IMMT: variants seen among roughly 807,000 people sequenced by gnomAD.
IMMT encodes MICOS complex subunit MIC60.
IMMT carries 40 observed loss-of-function variants against 92.7 expected under a neutral mutation model. That is an observed-to-expected ratio of 0.43 (90% CI 0.34 to 0.56). The LOEUF (loss-of-function observed/expected upper bound fraction) is 0.56, where lower values mean the gene tolerates loss of function less well. Among genes scored for constraint, IMMT ranks in the 20% least tolerant of loss-of-function variants. The pLI is 0.03. For synonymous variants in IMMT, 322 were observed against 336.1 expected (o/e 0.96, Z 0.46); for missense variants, 831 against 912.1 (o/e 0.91, Z 1.14).
chr2:86,187,100 G>A (rs1003728237), intron 1 of IMMT, among the ~76,000 whole-genome samples: 4 of 151,758 alleles, frequency 2.6e-5, no homozygotes, highest in African/African-American at 9.7e-5. Flanking sequence ...ACAATTCCAC[G>A]GTATTTAGTA....
chr2:86,179,710 C>T lies in IMMT; in HGVS notation c.120-88G>A. 2.9e-6 allele frequency: 3 copies of T among 1,018,744 alleles called. No individual in the cohort carries two copies. In the South Asian group the frequency reaches 5.5e-5, roughly 19 times the overall value. 63.1% of individuals were successfully genotyped at this position (1,018,744 alleles called of 1,614,324 possible). On this transcript the variant is annotated intron_variant, in intron 2 of 14. Transcript: ENST00000410111. The stretch of plus-strand genomic sequence containing the variant: ...ACCAATGTAACCATCTCGAAGACCT[C>T]TAGCCTCTACTTATCTACCACTAAT...
In IMMT at chr2:86,150,683, C is replaced by T. The variant is rs116372377; in HGVS notation, c.1401+614G>A. On this transcript the variant is annotated intron_variant, in intron 12 of 14. Transcript: ENST00000410111. The stretch of plus-strand genomic sequence containing the variant: ...ATATACTCAGACTCCAACAAAGATT[C>T]GTTCAGCACTGCTTTAAGGGACAGA... 6.2e-3 allele frequency among the ~76,000 whole-genome samples: 938 copies of T among 152,288 alleles called. 8 individuals are homozygous for T. Among genetic ancestry groups the T allele is most frequent in the African/African-American group, 0.021 (863 of 41,554 alleles).
intron 12 of IMMT, among the ~76,000 whole-genome samples, chr2:86,151,080 C>A (rs1045701850): frequency 2.0e-5 from 3 of 152,102 alleles, no homozygotes; most frequent in Non-Finnish European, 4.4e-5. Context: ...CCACACCCAG[C>A]TAATTTTTGT....
Position 86,144,525 on chromosome 2 carries a change from G to A in IMMT, c.2020C>T (p.Leu674=), listed in dbSNP as rs117502474. ...GGGCAGAGCTCTGGGGGCGGCTTCA[G>A]TTGCTGAGGTGGGAATAGGAGCAGG... ...QSLLLFPPQQ[L]KPPPELCPED... is the part of the protein sequence containing the mutation. The change falls in exon 15 of 15, where the codon CTG becomes TTG. Residue 674 remains leucine (L), a synonymous_variant. Coordinates refer to ENST00000410111, the MANE Select transcript of IMMT (RefSeq NM_006839.3). The A allele has an allele frequency of 7.6e-4, 1,225 of 1,614,062 alleles. 14 individuals are homozygous for A. In the East Asian group the frequency reaches 0.023, roughly 30 times the overall value.
rs753843163 is a variant in IMMT at position 86,159,630 on chromosome 2, T to G, written c.938A>C (p.Lys313Thr). The stretch of plus-strand genomic sequence containing the variant: ...CTTGGCCCCAGCAACCTCTTTTTTC[T>G]TTGCATTTTCAATCACACTTTTCAT... Reference protein sequence around the residue: ...EKMKSVIENAKKKEVAGAKPH... With the variant: ...EKMKSVIENATKKEVAGAKPH... Residue 313 changes from lysine to threonine, a missense_variant, in exon 9 of 15, where the codon AAG (lysine) becomes ACG (threonine). Physicochemically the swap from Lys to Thr is moderately conservative, Grantham distance 78 (BLOSUM62 -1). Transcript: ENST00000410111. The G allele has an allele frequency of 8.9e-6, 14 of 1,579,666 alleles. No individual in the cohort carries two copies. Among genetic ancestry groups the G allele is most frequent in the Non-Finnish European group, 1.2e-5 (14 of 1,170,056 alleles).
intron 11 of IMMT, among the ~76,000 whole-genome samples, chr2:86,151,881 A>G (rs1675489282): frequency 6.6e-6 from 1 of 152,262 alleles, no homozygotes; most frequent in Admixed American, 6.5e-5. Flanking sequence ...CTGATTAGTT[A>G]TAACAGGCAT....
At chr2:86,157,328 TCTCCCTG>T (rs1365008103) in intron 10 of IMMT, among the ~76,000 whole-genome samples, 3 of 152,194 alleles carry the variant, frequency 2.0e-5, no homozygotes, top group Non-Finnish European at 4.4e-5. Flanking sequence ...TGACATTCAG[TCTCCCTG>T]GGTGGCCATC....
intron 13 of IMMT, 121 bp from the exon 14 acceptor site, chr2:86,146,318 C>T (rs993735859): frequency 1.6e-5 from 11 of 671,534 alleles, no homozygotes; most frequent in Non-Finnish European, 2.3e-5. Flanking sequence ...CACGAAATTC[C>T]TACATTTTGT....
At chr2:86,189,684 G>C (rs146383314) in intron 1 of IMMT, among the ~76,000 whole-genome samples, 68 of 152,284 alleles carry the variant, frequency 4.5e-4, no homozygotes, top group African/African-American at 1.6e-3. Flanking sequence ...TGTGGATCTT[G>C]TCATACATAA....
At chr2:86,173,878 A>G (rs1386454327) in intron 3 of IMMT, 117 bp from the exon 4 acceptor site, 4 of 596,390 alleles carry the variant, frequency 6.7e-6, no homozygotes, top group Non-Finnish European at 1.2e-5. Flanking sequence ...AGTTATCAAC[A>G]CTTTGTAACA....
intron 2 of IMMT, among the ~76,000 whole-genome samples, chr2:86,180,868 C>CA (rs368210170): frequency 1.3e-4 from 20 of 151,566 alleles, no homozygotes; most frequent in Admixed American, 2.6e-4. Context: ...GCCTGGGCAA[C>CA]AGAGCGAGAC....
rs1383407084 is a variant in IMMT, at chr2:86,171,248, G to A, written c.519C>T (p.His173=). ...TGGGTTTTCCTTCACCAATTTCAGG[G>A]TGATCAGTTTTTAAAGATTCCTCAG... The part of the protein sequence containing the change: ...VQPEESLKTD[H]PEIGEGKPTP... Residue 173 remains histidine (H), a synonymous_variant, in exon 5 of 15, where the codon CAC becomes CAT. Transcript: ENST00000410111. 1.2e-6 allele frequency: 2 copies of A among 1,604,090 alleles called. No homozygotes were observed. Among genetic ancestry groups the A allele is most frequent in the Non-Finnish European group, 8.5e-7 (1 of 1,174,636 alleles).
chr2:86,179,283 G>T, intron 3 of IMMT, 150 bp downstream of exon 3: 1 of 615,198 alleles, frequency 1.6e-6, no homozygotes, highest in Non-Finnish European at 2.8e-6. Flanking sequence ...TTATATCTGA[G>T]ACTTGAGCAT....
At chr2:86,194,121 A>C (rs564892357) in intron 1 of IMMT, among the ~76,000 whole-genome samples, 1 of 152,240 alleles carries the variant, frequency 6.6e-6, no homozygotes, top group Non-Finnish European at 1.5e-5. Context: ...AGGCAGCAAG[A>C]AAAGAAGTAC....
At chr2:86,176,275 C>T (rs1160588185) in intron 3 of IMMT, among the ~76,000 whole-genome samples, 1 of 152,158 alleles carries the variant, frequency 6.6e-6, no homozygotes, top group Non-Finnish European at 1.5e-5. Flanking sequence ...TTAAACAATA[C>T]AAAATATCTG....
At chr2:86,148,837 AAT>A (rs1289841643) in intron 12 of IMMT, among the ~76,000 whole-genome samples, 1 of 150,276 alleles carries the variant, frequency 6.7e-6, no homozygotes, top group Non-Finnish European at 1.5e-5. Context: ...TCTCAGAAAC[AAT>A]ATAATAAATC....
intron 7 of IMMT, among the ~76,000 whole-genome samples, chr2:86,163,233 T>C (rs1027512132): frequency 4.6e-5 from 7 of 152,052 alleles, no homozygotes; most frequent in Non-Finnish European, 1.0e-4. Flanking sequence ...TGTGGGAGGA[T>C]CATTTGAGCC....
chr2:86,179,493 G>T lies in IMMT; in HGVS notation c.249C>A (p.Asp83Glu). 1 of 1,613,322 alleles carries T rather than the reference G, an allele frequency of 6.2e-7. No individual in the cohort carries two copies. The highest frequency in any genetic ancestry group is 8.5e-7 in the Non-Finnish European group (1 of 1,179,654). Residue 83 changes from aspartate (D) to glutamate (E), a missense_variant, in exon 3 of 15, where the codon GAC becomes GAA. Physicochemically the swap from Asp to Glu is conservative, Grantham distance 45. Coordinates refer to ENST00000410111, the MANE Select transcript of IMMT (RefSeq NM_006839.3). ...ESVEKTIPYSDKLFEMVLGPA... is the reference protein window; with the variant it reads ...ESVEKTIPYSEKLFEMVLGPA... Reference sequence around the variant, plus strand: ...GACCAAGAACCATCTCGAAGAGTTTGTCTGAGTAAGGTATGGTTTTCTCTA... The same window carrying T: ...GACCAAGAACCATCTCGAAGAGTTTTTCTGAGTAAGGTATGGTTTTCTCTA...
intron 6 of IMMT, 59 bp downstream of exon 6, chr2:86,170,690 A>T: frequency 8.9e-7 from 1 of 1,125,958 alleles, no homozygotes. Flanking sequence ...CTGATAGTTT[A>T]AGAAGAGAGC....
Sources: allele counts gnomAD v4.1 joint callset (sites outside exome capture counted in the v4.1 genomes callset), GRCh38; gene constraint gnomAD v4.1.1; transcripts MANE v1.5; gene names NCBI Gene and HGNC (gene_info 2026-07-23, HGNC 2026-07-21).